Variants in BIN3 observed in about 807,000 individuals in gnomAD.
BIN3 encodes bridging integrator 3.
Under a neutral mutation model 38.2 loss-of-function variants are expected in BIN3, and 41 were observed. That is an observed-to-expected ratio of 1.07 (90% confidence interval 0.84 to 1.39). BIN3 has a LOEUF of 1.39. BIN3 is among the 40% of genes most tolerant of loss of function. The pLI is 0.00. For synonymous variants in BIN3, 145 were observed against 122.6 expected (o/e 1.18, Z -1.21); for missense variants, 361 against 324.3 (o/e 1.11, Z -0.87).
At chr8:22,638,298 A>G (rs1325260590) in intron 2 of BIN3, among the ~76,000 whole-genome samples, 1 of 152,242 alleles carries the variant, frequency 6.6e-6, no homozygotes, top group Non-Finnish European at 1.5e-5. Context: ...ATGACAAAAC[A>G]GCATTTATGC....
intron 4 of BIN3, chr8:22,634,517 G>A (rs1802306775): frequency 2.2e-6 from 1 of 456,172 alleles, no homozygotes; most frequent in Admixed American, 2.3e-5. Flanking sequence ...ACTGGCTGAG[G>A]CTTAGGAGCT....
At chr8:22,628,929 C>T (rs567934716) in intron 6 of BIN3, among the ~76,000 whole-genome samples, 1 of 152,294 alleles carries the variant, frequency 6.6e-6, no homozygotes, top group East Asian at 1.9e-4. Context: ...CCCCAGCAGG[C>T]AGGGGGTGGT....
At chr8:22,659,004 GC>G (rs1803147463) in intron 1 of BIN3, among the ~76,000 whole-genome samples, 1 of 152,252 alleles carries the variant, frequency 6.6e-6, no homozygotes, top group Non-Finnish European at 1.5e-5. Context: ...TTGGGTTGCT[GC>G]CTGCTCTGGC....
intron 1 of BIN3, among the ~76,000 whole-genome samples, chr8:22,664,443 A>G (rs1202467911): frequency 6.6e-6 from 1 of 152,246 alleles, no homozygotes; most frequent in East Asian, 1.9e-4. Flanking sequence ...ATGAGTGATG[A>G]GGCTGCCTTA....
intron 2 of BIN3, among the ~76,000 whole-genome samples, chr8:22,642,692 C>T (rs1240339334): frequency 6.6e-6 from 1 of 152,214 alleles, no homozygotes; most frequent in East Asian, 1.9e-4. Context: ...GTACTGTCAT[C>T]ATCCTGATTT....
chr8:22,633,573 G>T (rs749814141), intron 4 of BIN3, among the ~76,000 whole-genome samples: 1 of 152,252 alleles, frequency 6.6e-6, no homozygotes, highest in South Asian at 2.1e-4. Context: ...TGAAAGAAAG[G>T]TCATCTTTTT....
At position 22,636,756 on chromosome 8, in the gene BIN3, C is replaced by T. The variant is rs1405369958; in HGVS notation, c.98+166G>A. ...ACCCAAAGGCTATGAGTGAATGACTCTCACATGGCCATTGCCAGGGAACAG... is the reference window on the plus strand; with the variant it reads ...ACCCAAAGGCTATGAGTGAATGACTTTCACATGGCCATTGCCAGGGAACAG... On this transcript the variant is annotated intron_variant, in intron 3 of 8. Coordinates refer to ENST00000276416, the MANE Select transcript of BIN3 (RefSeq NM_018688.6). 5.1e-6 allele frequency: 5 copies of T among 987,898 alleles called. No individual in the cohort carries two copies. The Admixed American group carries it at 1.0e-4, about 21-fold the overall frequency. 61.2% of individuals were successfully genotyped at this position (987,898 alleles called of 1,614,324 possible).
At chr8:22,658,354 T>C (rs1462204253) in intron 1 of BIN3, among the ~76,000 whole-genome samples, 1 of 152,242 alleles carries the variant, frequency 6.6e-6, no homozygotes, top group Non-Finnish European at 1.5e-5. Context: ...GTCAACAGGA[T>C]GTTCTCCAAA....
chr8:22,649,803 G>C (rs1430956245), intron 1 of BIN3, among the ~76,000 whole-genome samples: 4 of 97,592 alleles, frequency 4.1e-5, no homozygotes, highest in Non-Finnish European at 8.7e-5. Flanking sequence ...ATAGAAAAAC[G>C]CAAAGGACAA....
chr8:22,667,212 T>C (rs1803450027), intron 1 of BIN3, among the ~76,000 whole-genome samples: 1 of 152,196 alleles, frequency 6.6e-6, no homozygotes, highest in Non-Finnish European at 1.5e-5. Flanking sequence ...TTAAAGCTAC[T>C]AGATGAAAAT....
chr8:22,650,400 G>A (rs1194601731), intron 1 of BIN3, among the ~76,000 whole-genome samples: 1 of 152,238 alleles, frequency 6.6e-6, no homozygotes, highest in South Asian at 2.1e-4. Context: ...AGAAGCTTTT[G>A]ATTAGTGTGA....
intron 1 of BIN3, among the ~76,000 whole-genome samples, chr8:22,667,730 G>A (rs1429360356): frequency 6.6e-6 from 1 of 152,126 alleles, no homozygotes; most frequent in African/African-American, 2.4e-5. Context: ...CTCCTGCCGG[G>A]GCTTATTAGG....
At chr8:22,668,019 T>C (rs1803481933) in intron 1 of BIN3, among the ~76,000 whole-genome samples, 1 of 152,160 alleles carries the variant, frequency 6.6e-6, no homozygotes, top group South Asian at 2.1e-4. Context: ...GAGGACAGAG[T>C]GGCAAATATG....
intron 2 of BIN3, among the ~76,000 whole-genome samples, chr8:22,642,009 C>T (rs1802579025): frequency 3.3e-5 from 5 of 152,154 alleles, no homozygotes. Flanking sequence ...CCAGCAGGAA[C>T]AAGCCATTCT....
rs1311725207 is a variant in BIN3, at chr8:22,664,806, G to A, written c.8+4238C>T. On this transcript the variant is annotated intron_variant, in intron 1 of 8. Transcript: ENST00000276416. ...ATAAGCATGAAGTCAGACAAAGGAC[G>A]GGAAAGCCATCTGAAAAGTTAGAAG... is the stretch of plus-strand genomic sequence containing the variant. Among the ~76,000 whole-genome samples the A allele has an allele frequency of 3.9e-5, 6 of 152,216 alleles. 1 individual carries two copies. Among genetic ancestry groups the A allele is most frequent in the African/African-American group, 9.6e-5 (4 of 41,460 alleles).
At chr8:22,622,573 G>C (rs1030892956) in intron 8 of BIN3, 4 of 152,422 alleles carry the variant, frequency 2.6e-5, no homozygotes, top group East Asian at 1.9e-4. Flanking sequence ...GGGCGGGCGA[G>C]GGGGAGGCTG....
At chr8:22,642,834 C>A (rs1183877846) in intron 2 of BIN3, among the ~76,000 whole-genome samples, 1 of 152,200 alleles carries the variant, frequency 6.6e-6, no homozygotes, top group African/African-American at 2.4e-5. Flanking sequence ...TACCTGACCC[C>A]CAGTCTATCA....
intron 1 of BIN3, among the ~76,000 whole-genome samples, chr8:22,650,065 T>C (rs1263300024): frequency 6.6e-6 from 1 of 152,188 alleles, no homozygotes; most frequent in African/African-American, 2.4e-5. Context: ...ATAATGGAAA[T>C]GTACCACTCG....
intron 2 of BIN3, 153 bp downstream of exon 2, chr8:22,644,602 G>A: frequency 1.4e-6 from 1 of 708,568 alleles, no homozygotes; most frequent in South Asian, 1.6e-5. Context: ...CTAAGCCTCA[G>A]TCTATGTGAG....
Sources: allele counts gnomAD v4.1 joint callset (sites outside exome capture counted in the v4.1 genomes callset), GRCh38; gene constraint gnomAD v4.1.1; transcripts MANE v1.5; gene names NCBI Gene and HGNC (gene_info 2026-07-23, HGNC 2026-07-21).